Variants in SOX6 observed in about 807,000 individuals in gnomAD.
SOX6 encodes SRY-box transcription factor 6.
Under a neutral mutation model 97.8 loss-of-function variants are expected in SOX6, and 11 were observed. The ratio of observed to expected loss-of-function variants is 0.11; its 90% CI spans 0.07 to 0.19. SOX6 has a LOEUF of 0.19. Ranked by LOEUF, SOX6 falls within the 10% of genes least tolerant of loss-of-function variation. SOX6 has a pLI of 1.00. For synonymous variants in SOX6, 360 were observed against 371.4 expected, an observed-to-expected ratio of 0.97 and a Z score of 0.35; for missense variants, 810 against 1,039.5, an observed-to-expected ratio of 0.78 and a Z score of 3.04.
intron 4 of SOX6, among the ~76,000 whole-genome samples, chr11:16,226,985 C>A (rs1025270059): frequency 1.3e-5 from 2 of 152,112 alleles, no homozygotes; most frequent in African/African-American, 2.4e-5. Flanking sequence ...GCAGAGTATT[C>A]AGAGACCAAG....
At chr11:16,045,550 C>G (rs1243495583) in intron 12 of SOX6, among the ~76,000 whole-genome samples, 2 of 152,194 alleles carry the variant, frequency 1.3e-5, no homozygotes, top group African/African-American at 4.8e-5. Context: ...AAATGAAAAG[C>G]CTTTCCAGGG....
At chr11:15,974,348 C>CTTTTTTT (rs1453513755) in intron 15 of SOX6, among the ~76,000 whole-genome samples, 4 of 82,814 alleles carry the variant, frequency 4.8e-5, no homozygotes, top group African/African-American at 1.9e-4. Context: ...ACCTGCCATT[C>CTTTTTTT]TTTTTTTTGT....
chr11:16,129,816 A>G (rs2134017820), intron 6 of SOX6, among the ~76,000 whole-genome samples: 1 of 152,264 alleles, frequency 6.6e-6, no homozygotes, highest in Non-Finnish European at 1.5e-5. Context: ...TCTGATTAAA[A>G]GTATATTTGA....
rs1236387698 is a variant in SOX6 at position 16,029,635 on chromosome 11, C to CA, written c.1624-14586dup. Among the ~76,000 whole-genome samples, 737 of 93,630 alleles carry CA rather than the reference C, an allele frequency of 7.9e-3. 1 individual carries two copies. Among genetic ancestry groups the CA allele is most frequent in the Middle Eastern group, 0.021 (3 of 140 alleles). The allele number at this position is 93,630 out of a possible 152,430, so 61.4% of individuals were successfully genotyped here. The stretch of plus-strand genomic sequence containing the variant: ...TGGGCTACAGAGCAAGACTCCGTCT[C>CA]AAAAAAAAAAACAAAAAAAAAACCG... On this transcript the variant is annotated intron_variant, in intron 12 of 15. Transcript: ENST00000683767.
In SOX6 at chr11:16,675,119, C is replaced by T. The variant is rs547575598; in HGVS notation, n.429+39711G>A. Among the ~76,000 whole-genome samples the T allele has an allele frequency of 3.9e-5, 6 of 152,298 alleles. No homozygotes were observed. The South Asian group carries it at 1.2e-3, about 32-fold the overall frequency. On this transcript the variant is annotated intron_variant and non_coding_transcript_variant, in intron 3 of 5. Transcript: ENST00000524520. ...AAAATCAACATACAAAAATCAGTAG[C>T]ATTTCTATATGCCAACAGTGAACAA...
chr11:16,588,602 C>G lies in SOX6; in HGVS notation n.609+23479G>C, dbSNP rs981112892. 2.6e-5 allele frequency among the ~76,000 whole-genome samples: 4 copies of G among 152,218 alleles called. No individual in the cohort carries two copies. The South Asian group carries it at 8.3e-4, about 32-fold the overall frequency. ...GAGAGTAGTAATTCTCCACTTGACC[C>G]CCCTCTCCTGAACATGATAAATACA... On this transcript the variant is annotated intron_variant and non_coding_transcript_variant, in intron 4 of 5. Coordinates refer to the SOX6 transcript ENST00000524520.
chr11:16,689,063 A>G (rs1847992035), intron 3 of SOX6, among the ~76,000 whole-genome samples: 1 of 151,902 alleles, frequency 6.6e-6, no homozygotes, highest in Non-Finnish European at 1.5e-5. Flanking sequence ...ATATTTTTCT[A>G]CTCTAGCTGG....
intron 2 of SOX6, 34 bp from the exon 3 acceptor site, chr11:16,318,687 T>C: frequency 6.3e-7 from 1 of 1,590,176 alleles, no homozygotes; most frequent in Admixed American, 1.7e-5. Context: ...ACCATTAGAA[T>C]ATACGTTTCT....
At chr11:16,539,914 T>C (rs1420250080) in intron 4 of SOX6, among the ~76,000 whole-genome samples, 1 of 152,170 alleles carries the variant, frequency 6.6e-6, no homozygotes, top group Non-Finnish European at 1.5e-5. Context: ...GTACCATTCC[T>C]TCTGAAACTA....
chr11:16,519,929 T>G (rs1419533712), intron 4 of SOX6, among the ~76,000 whole-genome samples: 1 of 152,242 alleles, frequency 6.6e-6, no homozygotes, highest in Non-Finnish European at 1.5e-5. Context: ...GTTTTTAATT[T>G]GCATTTCTCT....
At position 16,132,338 on chromosome 11, in the gene SOX6, A is replaced by AAAAG. The variant is rs869051811; in HGVS notation, c.778-20419_778-20416dup. ...AGGAAGGAAGGAAGGAAGGAAAGAA[A>AAAAG]AAAGAAAGAAAGAAAGAAAGAAAGA... On this transcript the variant is annotated intron_variant, in intron 6 of 15. Transcript: ENST00000683767. 1.5e-3 allele frequency among the ~76,000 whole-genome samples: 62 copies of AAAAG among 40,662 alleles called. 6 individuals are homozygous for AAAAG. The highest frequency in any genetic ancestry group is 1.9e-3 in the African/African-American group (18 of 9,338). 26.7% of individuals were successfully genotyped at this position (40,662 alleles called of 152,430 possible).
At chr11:16,333,134 C>T (rs974158685) in intron 2 of SOX6, among the ~76,000 whole-genome samples, 2 of 152,050 alleles carry the variant, frequency 1.3e-5, no homozygotes, top group Non-Finnish European at 2.9e-5. Context: ...GAAAGCAACC[C>T]TTTCCAAATT....
chr11:16,550,887 A>G (rs1173871698), intron 4 of SOX6, among the ~76,000 whole-genome samples: 1 of 152,188 alleles, frequency 6.6e-6, no homozygotes, highest in Non-Finnish European at 1.5e-5. Context: ...TTTAAAATAT[A>G]CTCTGTAGAT....
chr11:16,322,240 G>T (rs297359), intron 2 of SOX6, among the ~76,000 whole-genome samples: 1 of 151,832 alleles, frequency 6.6e-6, no homozygotes, highest in African/African-American at 2.4e-5. Context: ...AGGCTTGGTG[G>T]GTGGTGATTA....
chr11:16,601,223 AT>A (rs1848265177), intron 4 of SOX6, among the ~76,000 whole-genome samples: 1 of 152,254 alleles, frequency 6.6e-6, no homozygotes, highest in South Asian at 2.1e-4. Context: ...AACTTGATTA[AT>A]TTTTTAATGG....
chr11:16,558,111 G>C, intron 4 of SOX6, among the ~76,000 whole-genome samples: 1 of 151,846 alleles, frequency 6.6e-6, no homozygotes, highest in East Asian at 1.9e-4. Context: ...TCATGTAAAT[G>C]GTCTCTGAAA....
chr11:16,714,451 C>CTT (rs761435639), intron 3 of SOX6, among the ~76,000 whole-genome samples: 75 of 116,364 alleles, frequency 6.4e-4, no homozygotes, highest in African/African-American at 1.7e-3. Flanking sequence ...AATTTTCTTT[C>CTT]TTTTTTTTTT....
chr11:16,129,893 C>A (rs1271970268), intron 6 of SOX6, among the ~76,000 whole-genome samples: 1 of 152,000 alleles, frequency 6.6e-6, no homozygotes, highest in African/African-American at 2.4e-5. Context: ...TAAGATCAGA[C>A]AAAATAGGCA....
chr11:16,493,170 A>G (rs1860537593), intron 4 of SOX6, among the ~76,000 whole-genome samples: 1 of 152,220 alleles, frequency 6.6e-6, no homozygotes, highest in Non-Finnish European at 1.5e-5. Flanking sequence ...CATTATTCAT[A>G]TTAGTCCCAA....
Sources: gnomAD v4.1 joint callset for allele counts (sites outside exome capture counted in the v4.1 genomes callset) on GRCh38, gnomAD v4.1.1 for gene constraint, MANE v1.5 for transcripts, NCBI Gene and HGNC (gene_info 2026-07-23, HGNC 2026-07-21) for gene names.